Variants in TMC3 observed in about 807,000 individuals in gnomAD.
The protein encoded by TMC3 is transmembrane channel-like protein 3.
TMC3 carries 98 observed loss-of-function variants against 110.6 expected under a neutral mutation model. That is an observed-to-expected ratio of 0.89 (90% CI 0.75 to 1.05). The LOEUF (loss-of-function observed/expected upper bound fraction) is 1.05, where lower values mean the gene tolerates loss of function less well. TMC3 is among the 50% of genes least tolerant of loss of function. The probability of loss-of-function intolerance (pLI) is 0.00; values close to 1 mark genes in which losing one functional copy is unlikely to be tolerated. For synonymous variants in TMC3, 489 were observed against 513.1 expected (o/e 0.95, Z 0.63); for missense variants, 1,319 against 1,373.2 (o/e 0.96, Z 0.62).
chr15:81,343,210 A>C (rs558168984), intron 15 of TMC3, 68 bp downstream of exon 15: 4 of 975,734 alleles, frequency 4.1e-6, no homozygotes, highest in Non-Finnish European at 6.6e-6. Flanking sequence ...TCCCATCTAG[A>C]CTAAGTAAAT....
intron 15 of TMC3, 136 bp from the exon 16 acceptor site, chr15:81,341,654 T>C: frequency 1.1e-6 from 1 of 907,364 alleles, no homozygotes; most frequent in Non-Finnish European, 1.6e-6. Flanking sequence ...GAAAAGCCCC[T>C]GAAGTCCCGA....
rs1163589872 is a variant in TMC3, at chr15:81,337,755, A to T, written c.2160+91T>A. 2.7e-6 allele frequency: 3 copies of T among 1,102,800 alleles called. No homozygotes were observed. In the Admixed American group the frequency reaches 5.7e-5, roughly 21 times the overall value. 68.3% of individuals were successfully genotyped at this position (1,102,800 alleles called of 1,614,324 possible). The stretch of plus-strand genomic sequence containing the variant: ...TGGCCAAGAGTCACAGAAACCTTGA[A>T]GATGTGACTTCACTTGTATTCCCAC... On this transcript the variant is annotated intron_variant, in intron 19 of 21. Transcript: ENST00000359440.
intron 11 of TMC3, 69 bp downstream of exon 11, chr15:81,349,389 C>T (rs1012848151): frequency 2.7e-5 from 28 of 1,033,108 alleles, no homozygotes; most frequent in Non-Finnish European, 3.5e-5. Context: ...TCTTGAGGCA[C>T]TTACATTCCC....
In TMC3 at chr15:81,358,129, G is replaced by C; in HGVS notation, c.743+20C>G. On this transcript the variant is annotated intron_variant, in intron 7 of 21. Coordinates refer to ENST00000359440, the MANE Select transcript of TMC3 (RefSeq NM_001080532.3). Reference sequence around the variant, plus strand: ...TATCATAACGCTTGATATGTATTTTGAGAAATTGAGCAGTCATACTTTTTT... The same window carrying C: ...TATCATAACGCTTGATATGTATTTTCAGAAATTGAGCAGTCATACTTTTTT... 6.4e-7 allele frequency: 1 copy of C among 1,563,516 alleles called. No individual in the cohort carries two copies. Among genetic ancestry groups the C allele is most frequent in the Non-Finnish European group, 8.6e-7 (1 of 1,157,470 alleles).
intron 21 of TMC3, among the ~76,000 whole-genome samples, chr15:81,333,874 C>T (rs1159182768): frequency 3.3e-5 from 5 of 151,960 alleles, no homozygotes; most frequent in African/African-American, 9.7e-5. Flanking sequence ...CCTGTAATCC[C>T]AGCTACTCGG....
At chr15:81,372,773 A>G (rs1894465621) in intron 1 of TMC3, 36 bp from the exon 2 acceptor site, 7 of 1,607,078 alleles carry the variant, frequency 4.4e-6, no homozygotes, top group Non-Finnish European at 6.0e-6. Flanking sequence ...AAATCTGATT[A>G]GAAGAATTGC....
chr15:81,349,764 T>TTTG (rs1555428368), intron 10 of TMC3, among the ~76,000 whole-genome samples, 197 bp from the exon 11 acceptor site: 1 of 150,674 alleles, frequency 6.6e-6, no homozygotes, highest in African/African-American at 2.5e-5. Flanking sequence ...ATGGTCTTTT[T>TTTG]TTTTTTTTTT....
chr15:81,355,948 G>A (rs1293230480), intron 8 of TMC3, among the ~76,000 whole-genome samples, 180 bp from the exon 9 acceptor site: 5 of 144,122 alleles, frequency 3.5e-5, no homozygotes, highest in South Asian at 2.1e-4. Flanking sequence ...AAATATTGGC[G>A]GTTGGGAAGA....
chr15:81,368,228 C>T lies in TMC3; in HGVS notation c.312+25G>A, dbSNP rs372032979. On this transcript the variant is annotated intron_variant, in intron 3 of 21. Coordinates refer to ENST00000359440, the MANE Select transcript of TMC3 (RefSeq NM_001080532.3). ...GATTACAGGTGTGAGCCACCGCGCCCAGCCACATGTGTGTTCTGTATTACC... is the reference window on the plus strand; with the variant it reads ...GATTACAGGTGTGAGCCACCGCGCCTAGCCACATGTGTGTTCTGTATTACC... 9.6e-5 allele frequency: 153 copies of T among 1,598,822 alleles called. 3 individuals are homozygous for T. Among genetic ancestry groups the T allele is most frequent in the East Asian group, 8.3e-4 (37 of 44,738 alleles).
At chr15:81,352,737 G>C (rs1893977292) in intron 9 of TMC3, among the ~76,000 whole-genome samples, 1 of 152,212 alleles carries the variant, frequency 6.6e-6, no homozygotes, top group South Asian at 2.1e-4. Context: ...AAGATGTGGA[G>C]GTGGAAGGCA....
At position 81,349,609 on chromosome 15, in the gene TMC3, C is replaced by A. The variant is rs866561838; in HGVS notation, c.1084-42G>T. ...TGCCAGAGCCAGACATTCCCAGGAC[C>A]CCCCACCAGCCCTCACCATGTGCAT... On this transcript the variant is annotated intron_variant, in intron 10 of 21. Transcript: ENST00000359440. 4.2e-6 allele frequency: 5 copies of A among 1,194,172 alleles called. No homozygotes were observed. In the Middle Eastern group the frequency reaches 1.0e-3, roughly 246 times the overall value. The allele number at this position is 1,194,172 out of a possible 1,614,324, so 74.0% of individuals were successfully genotyped here.
rs182232238 is a variant in TMC3, at chr15:81,354,765, C to T, written c.935+960G>A. ...GGGCAGATCACAACTCTTCCCTCTACACATGTTTTGGCCCTTGATTTGCAC... is the reference window on the plus strand; with the variant it reads ...GGGCAGATCACAACTCTTCCCTCTATACATGTTTTGGCCCTTGATTTGCAC... On this transcript the variant is annotated intron_variant, in intron 9 of 21. Transcript: ENST00000359440. 5.9e-5 allele frequency among the ~76,000 whole-genome samples: 9 copies of T among 152,318 alleles called. No individual in the cohort carries two copies. In the East Asian group the frequency reaches 1.7e-3, roughly 29 times the overall value.
chr15:81,358,389 GC>G lies in TMC3; in HGVS notation c.600+12del, dbSNP rs769302356. On this transcript the variant is annotated intron_variant, in intron 6 of 21. Coordinates refer to ENST00000359440, the MANE Select transcript of TMC3 (RefSeq NM_001080532.3). ...TCCCTCAAGACAAGAGTGTGGCCAA[GC>G]ATCAATCTCACCCCCAGAGACCAGA... 1 of 1,610,252 alleles carries G rather than the reference GC, an allele frequency of 6.2e-7. No individual in the cohort carries two copies. The highest frequency in any genetic ancestry group is 2.2e-5 in the East Asian group (1 of 44,832).
chr15:81,367,583 A>G (rs1894343480), intron 3 of TMC3, among the ~76,000 whole-genome samples: 1 of 152,236 alleles, frequency 6.6e-6, no homozygotes, highest in African/African-American at 2.4e-5. Context: ...GAGCATTGGC[A>G]TATACCTGCA....
chr15:81,351,773 T>C lies in TMC3; in HGVS notation c.1004A>G (p.Tyr335Cys), dbSNP rs773148204. The C allele has an allele frequency of 3.1e-5, 49 of 1,605,782 alleles. No individual in the cohort carries two copies. The highest frequency in any genetic ancestry group is 8.5e-5 in the Admixed American group (5 of 58,988). The part of the protein sequence containing the change: ...LVLLSLAGSI[Y>C]LIYFVVDRSQ... ...CCGGTCCACCACAAAGTAGATGAGATAAATGCTCCCAGCCAGTGAGAGAAG... is the reference window on the plus strand; with the variant it reads ...CCGGTCCACCACAAAGTAGATGAGACAAATGCTCCCAGCCAGTGAGAGAAG... Residue 335 changes from tyrosine to cysteine, a missense_variant, in exon 10 of 22, where the codon TAT becomes TGT. Transcript: ENST00000359440.
chr15:81,364,880 C>G (rs908219618), intron 3 of TMC3, among the ~76,000 whole-genome samples: 2 of 151,080 alleles, frequency 1.3e-5, no homozygotes, highest in Admixed American at 1.3e-4. Flanking sequence ...TATGCTGATG[C>G]TTGTAATGTT....
In TMC3 at chr15:81,332,208, C is replaced by T; in HGVS notation, c.*211G>A. The T allele has an allele frequency of 1.7e-6, 1 of 577,920 alleles. No homozygotes were observed. The highest frequency in any genetic ancestry group is 2.9e-6 in the Non-Finnish European group (1 of 347,472). The allele number at this position is 577,920 out of a possible 1,614,324, so 35.8% of individuals were successfully genotyped here. A position where few individuals can be genotyped will look rare whatever the true frequency, so the allele number is the denominator to read the frequency against. On this transcript the variant is annotated 3_prime_UTR_variant, in exon 22 of 22. Transcript: ENST00000359440. Reference sequence around the variant, plus strand: ...TCACTGCTGGTGACATACTTTGGTGCCACCTAACTCGGATAAATTTGGCTA... The same window carrying T: ...TCACTGCTGGTGACATACTTTGGTGTCACCTAACTCGGATAAATTTGGCTA...
chr15:81,357,905 T>C (rs1179312091), intron 7 of TMC3, among the ~76,000 whole-genome samples: 1 of 152,220 alleles, frequency 6.6e-6, no homozygotes, highest in Non-Finnish European at 1.5e-5. Flanking sequence ...TAAGTACTTG[T>C]TAAAATGAAC....
Position 81,359,352 on chromosome 15 carries a change from T to C in TMC3, c.501+13A>G. ...CTCTTTGTAATGAGTGGTACTTTCC[T>C]GAAACATCTTACCTCTGGAATGACA... is the stretch of plus-strand genomic sequence containing the variant. On this transcript the variant is annotated intron_variant, in intron 5 of 21. Coordinates refer to ENST00000359440, the MANE Select transcript of TMC3 (RefSeq NM_001080532.3). 1 of 1,576,578 alleles carries C rather than the reference T, an allele frequency of 6.3e-7. No homozygotes were observed. Among genetic ancestry groups the C allele is most frequent in the African/African-American group, 1.4e-5 (1 of 73,978 alleles).
Sources: gnomAD v4.1 joint callset for allele counts (sites outside exome capture counted in the v4.1 genomes callset) on GRCh38, gnomAD v4.1.1 for gene constraint, MANE v1.5 for transcripts, NCBI Gene and HGNC (gene_info 2026-07-23, HGNC 2026-07-21) for gene names.